DNAH14: variants seen among roughly 807,000 people sequenced by gnomAD.
The protein encoded by DNAH14 is axonemal beta dynein heavy chain 14.
In DNAH14, 478 loss-of-function variants were observed where a neutral mutation model predicts 520.9. That is an observed-to-expected ratio of 0.92 (90% confidence interval 0.85 to 0.99). The LOEUF is 0.99. DNAH14 is among the 50% of genes least tolerant of loss of function. The pLI is 0.00. For missense variants in DNAH14, 4,831 were observed against 5,234.5 expected, an observed-to-expected ratio of 0.92 and a Z score of 2.38; for synonymous variants, 1,581 against 1,757.2, an observed-to-expected ratio of 0.90 and a Z score of 2.51.
intron 34 of DNAH14, among the ~76,000 whole-genome samples, chr1:225,157,099 C>T (rs1326087612): frequency 1.3e-5 from 2 of 152,084 alleles, no homozygotes; most frequent in East Asian, 3.9e-4. Context: ...TTGTAGGGGG[C>T]ATTTTTTTTC....
At chr1:225,047,560 A>G (rs540090245) in intron 15 of DNAH14, among the ~76,000 whole-genome samples, 20 of 152,316 alleles carry the variant, frequency 1.3e-4, no homozygotes, top group African/African-American at 4.6e-4. Flanking sequence ...AGTAGGCTAT[A>G]CTATCTAGCT....
At chr1:225,032,331 A>T (rs1167967031) in intron 11 of DNAH14, among the ~76,000 whole-genome samples, 4 of 151,948 alleles carry the variant, frequency 2.6e-5, no homozygotes, top group African/African-American at 9.7e-5. Flanking sequence ...AACATACAGT[A>T]TTTGGTTTTG....
chr1:225,109,930 A>G (rs936309628), intron 23 of DNAH14, among the ~76,000 whole-genome samples: 4 of 152,128 alleles, frequency 2.6e-5, no homozygotes, highest in Admixed American at 2.0e-4. Context: ...ATCAGCATCA[A>G]TTGAAATGAT....
intron 38 of DNAH14, among the ~76,000 whole-genome samples, chr1:225,200,149 A>T (rs1043938153): frequency 6.6e-6 from 1 of 151,534 alleles, no homozygotes; most frequent in Non-Finnish European, 1.5e-5. Context: ...AAGAATAGCT[A>T]CTCCTGCTCA....
intron 41 of DNAH14, among the ~76,000 whole-genome samples, chr1:225,215,026 C>A (rs1279908472): frequency 6.6e-6 from 1 of 152,206 alleles, no homozygotes; most frequent in South Asian, 2.1e-4. Context: ...ATCCTTCCTG[C>A]TTTCTCTTGT....
intron 38 of DNAH14, among the ~76,000 whole-genome samples, chr1:225,194,202 A>AT (rs1025340801): frequency 1.7e-4 from 26 of 152,156 alleles, no homozygotes; most frequent in African/African-American, 6.0e-4. Flanking sequence ...CTATTATAAA[A>AT]TTCTTAGGAA....
intron 1 of DNAH14, among the ~76,000 whole-genome samples, chr1:224,932,166 G>C (rs182249192): frequency 2.0e-5 from 3 of 152,184 alleles, no homozygotes; most frequent in African/African-American, 7.2e-5. Context: ...ACTGGGGTAG[G>C]ATGGTATCTC....
At chr1:225,322,145 C>T (rs2094569139) in intron 61 of DNAH14, among the ~76,000 whole-genome samples, 1 of 121,012 alleles carries the variant, frequency 8.3e-6, no homozygotes, top group Non-Finnish European at 1.6e-5. Context: ...GGCTGGAGAA[C>T]AGTGGCGTGA....
chr1:224,961,979 AT>A (rs1435617843), intron 4 of DNAH14, among the ~76,000 whole-genome samples: 1 of 152,186 alleles, frequency 6.6e-6, no homozygotes, highest in Non-Finnish European at 1.5e-5. Context: ...ATTCATGAAT[AT>A]GTAAACTGAT....
At chr1:224,998,941 G>A (rs1572355788) in intron 8 of DNAH14, among the ~76,000 whole-genome samples, 1 of 152,088 alleles carries the variant, frequency 6.6e-6, no homozygotes, top group East Asian at 1.9e-4. Context: ...ATTGTTTGGT[G>A]CATACCCTTT....
At chr1:225,309,846 T>C (rs1347107622) in intron 60 of DNAH14, among the ~76,000 whole-genome samples, 1 of 152,002 alleles carries the variant, frequency 6.6e-6, no homozygotes, top group Non-Finnish European at 1.5e-5. Context: ...TGAGCCAAGA[T>C]GGCGCCACTG....
At chr1:225,166,749 A>G (rs1390921043) in intron 35 of DNAH14, among the ~76,000 whole-genome samples, 1 of 152,150 alleles carries the variant, frequency 6.6e-6, no homozygotes, top group Non-Finnish European at 1.5e-5. Context: ...CCAAGTAACT[A>G]AAAGATTAAC....
intron 69 of DNAH14, among the ~76,000 whole-genome samples, chr1:225,344,916 T>C (rs996012836): frequency 6.6e-6 from 1 of 152,150 alleles, no homozygotes; most frequent in African/African-American, 2.4e-5. Context: ...GTTTTCACCA[T>C]GTTGGCCAGG....
chr1:225,163,935 G>A lies in DNAH14; in HGVS notation c.5446-4004G>A, dbSNP rs143766408. The stretch of plus-strand genomic sequence containing the variant: ...AATTTATATATTTAGCCTTTTGCAT[G>A]TATCAGGGTTTCCTATATTACCTAA... On this transcript the variant is annotated intron_variant, in intron 35 of 85. Coordinates refer to ENST00000682510, the MANE Select transcript of DNAH14 (RefSeq NM_001367479.1). 5.0e-3 allele frequency among the ~76,000 whole-genome samples: 762 copies of A among 152,216 alleles called. 6 individuals are homozygous for A. Among genetic ancestry groups the A allele is most frequent in the African/African-American group, 0.017 (719 of 41,556 alleles).
chr1:225,094,470 A>C (rs2074704137), intron 21 of DNAH14, among the ~76,000 whole-genome samples: 1 of 152,132 alleles, frequency 6.6e-6, no homozygotes, highest in African/African-American at 2.4e-5. Context: ...ATATACAAAA[A>C]TCAACTAAGC....
chr1:225,343,783 T>C (rs1399019162), intron 69 of DNAH14, among the ~76,000 whole-genome samples: 1 of 114,050 alleles, frequency 8.8e-6, no homozygotes, highest in South Asian at 3.1e-4. Flanking sequence ...AAGGCTTCTG[T>C]ATCTGTTTTT....
At chr1:225,365,364 C>T (rs1173218883) in intron 76 of DNAH14, among the ~76,000 whole-genome samples, 2 of 152,162 alleles carry the variant, frequency 1.3e-5, no homozygotes, top group African/African-American at 4.8e-5. Flanking sequence ...TTCTATTAGA[C>T]CAGGGTCCAG....
chr1:225,321,462 G>T (rs1485157013), intron 61 of DNAH14, among the ~76,000 whole-genome samples: 1 of 152,148 alleles, frequency 6.6e-6, no homozygotes, highest in Admixed American at 6.5e-5. Context: ...GAAATTCAAG[G>T]CAGAGGACCT....
rs761034210 is a variant in DNAH14, at chr1:225,002,938, G to A, written c.975+11G>A. 2 of 1,528,932 alleles carry A rather than the reference G, an allele frequency of 1.3e-6. No individual in the cohort carries two copies. Among genetic ancestry groups the A allele is most frequent in the Middle Eastern group, 1.7e-4 (1 of 5,776 alleles). The allele number at this position is 1,528,932 out of a possible 1,614,324, so 94.7% of individuals were successfully genotyped here. On this transcript the variant is annotated intron_variant, in intron 9 of 85. Transcript: ENST00000682510. ...ATATGCCTTGTAAAGGTGAGTAGAA[G>A]TATACTACTATAAGCTAATATTGGT...
Sources: allele counts gnomAD v4.1 joint callset (sites outside exome capture counted in the v4.1 genomes callset), GRCh38; gene constraint gnomAD v4.1.1; transcripts MANE v1.5; gene names NCBI Gene and HGNC (gene_info 2026-07-23, HGNC 2026-07-21).